Variants in STYX observed in about 807,000 individuals in gnomAD.
STYX encodes serine/threonine/tyrosine-interacting protein.
Under a neutral mutation model 42.7 loss-of-function variants are expected in STYX, and 20 were observed. The ratio of observed to expected loss-of-function variants is 0.47; its 90% CI spans 0.33 to 0.68. STYX has a LOEUF of 0.68. Among genes scored for constraint, STYX ranks in the 30% least tolerant of loss-of-function variants. The probability of loss-of-function intolerance (pLI) is 0.02; values close to 1 mark genes in which losing one functional copy is unlikely to be tolerated. For missense variants in STYX, 226 were observed against 268.5 expected, an observed-to-expected ratio of 0.84 and a Z score of 1.11; for synonymous variants, 78 against 81.9, an observed-to-expected ratio of 0.95 and a Z score of 0.26.
intron 3 of STYX, among the ~76,000 whole-genome samples, chr14:52,747,905 T>C (rs1411161640): frequency 2.0e-5 from 3 of 152,154 alleles, no homozygotes; most frequent in African/African-American, 4.8e-5. Flanking sequence ...GGCGCGAGAA[T>C]TGCTTGAATC....
At chr14:52,741,478 C>T (rs904071673) in intron 1 of STYX, among the ~76,000 whole-genome samples, 4 of 152,022 alleles carry the variant, frequency 2.6e-5, no homozygotes, top group Non-Finnish European at 5.9e-5. Context: ...CACTCTGTCA[C>T]CCAGGCTGGA....
At chr14:52,753,594 T>C (rs1315773473) in intron 4 of STYX, among the ~76,000 whole-genome samples, 1 of 152,212 alleles carries the variant, frequency 6.6e-6, no homozygotes, top group Non-Finnish European at 1.5e-5. Flanking sequence ...TAAACTGGTG[T>C]AATATTTGCA....
At chr14:52,746,551 TA>T in intron 3 of STYX, 72 bp downstream of exon 3, 1 of 1,325,844 alleles carries the variant, frequency 7.5e-7, no homozygotes, top group Non-Finnish European at 1.0e-6. Flanking sequence ...TTTTTAGTAA[TA>T]AAGAGTTTTA....
chr14:52,761,771 G>A (rs1409676236), intron 9 of STYX, among the ~76,000 whole-genome samples: 1 of 151,508 alleles, frequency 6.6e-6, no homozygotes, highest in Non-Finnish European at 1.5e-5. Flanking sequence ...ATGGCCGGGT[G>A]TGGTGGCTCA....
intron 1 of STYX, among the ~76,000 whole-genome samples, chr14:52,736,431 A>G (rs2139879350): frequency 6.6e-6 from 1 of 152,362 alleles, no homozygotes; most frequent in South Asian, 2.1e-4. Flanking sequence ...GGAGTAGCTG[A>G]TAGTACCAAT....
chr14:52,742,410 G>A (rs1304994710), intron 1 of STYX, among the ~76,000 whole-genome samples: 1 of 152,132 alleles, frequency 6.6e-6, no homozygotes, highest in African/African-American at 2.4e-5. Flanking sequence ...TGAAGATGTA[G>A]AACAACTAGA....
chr14:52,730,595 C>G, intron 1 of STYX, 64 bp downstream of exon 1: 2 of 1,566,698 alleles, frequency 1.3e-6, no homozygotes, highest in South Asian at 1.2e-5. Flanking sequence ...AGGGGCGACC[C>G]CAGTCCCCAA....
rs565828286 is a variant in STYX at position 52,743,546 on chromosome 14, A to G, written c.58-1306A>G. 6.8e-4 allele frequency among the ~76,000 whole-genome samples: 104 copies of G among 152,252 alleles called. 1 individual carries two copies. The highest frequency in any genetic ancestry group is 2.2e-3 in the Admixed American group (34 of 15,284). On this transcript the variant is annotated intron_variant, in intron 1 of 10. Coordinates refer to ENST00000354586, the MANE Select transcript of STYX (RefSeq NM_145251.4). ...CATTGAGCCGAGATCGCGCCACTGC[A>G]CTCCAACCTGGATGACAGTGTAAGA...
chr14:52,769,094 A>G (rs368846399), intron 10 of STYX, among the ~76,000 whole-genome samples, 161 bp downstream of exon 10: 1 of 152,170 alleles, frequency 6.6e-6, no homozygotes, highest in Admixed American at 6.5e-5. Flanking sequence ...AATGTGTACT[A>G]TAATAAGCTT....
intron 4 of STYX, among the ~76,000 whole-genome samples, chr14:52,752,031 A>C (rs1310198135): frequency 6.6e-6 from 1 of 152,134 alleles, no homozygotes; most frequent in African/African-American, 2.4e-5. Context: ...GTGGTGGCAC[A>C]TGCCTGTAAT....
chr14:52,756,886 C>A (rs1881892580), intron 5 of STYX, among the ~76,000 whole-genome samples: 1 of 151,812 alleles, frequency 6.6e-6, no homozygotes, highest in Non-Finnish European at 1.5e-5. Context: ...GGGGTTTCTC[C>A]ATGTTGATCA....
chr14:52,762,748 A>C (rs1477928813), intron 9 of STYX, among the ~76,000 whole-genome samples: 1 of 152,042 alleles, frequency 6.6e-6, no homozygotes, highest in South Asian at 2.1e-4. Context: ...ATATCTGACC[A>C]TAATGTTTTA....
At chr14:52,750,144 A>T (rs575662377) in intron 3 of STYX, among the ~76,000 whole-genome samples, 3 of 152,228 alleles carry the variant, frequency 2.0e-5, no homozygotes, top group Non-Finnish European at 2.9e-5. Context: ...TTTTAACTTC[A>T]GGAAAATTTT....
intron 9 of STYX, among the ~76,000 whole-genome samples, chr14:52,767,666 G>A (rs1289860152): frequency 1.3e-5 from 2 of 152,058 alleles, no homozygotes; most frequent in East Asian, 3.9e-4. Flanking sequence ...ATTTTCCCAG[G>A]TTCCTTTGGT....
intron 3 of STYX, 98 bp from the exon 4 acceptor site, chr14:52,750,585 T>C: frequency 1.3e-6 from 1 of 780,728 alleles, no homozygotes. Flanking sequence ...ATGTGGGTTC[T>C]GTGTATTTTC....
intron 4 of STYX, among the ~76,000 whole-genome samples, chr14:52,753,047 ATTTTTTTTTTTT>A (rs959737468): frequency 1.0e-4 from 9 of 88,670 alleles, no homozygotes; most frequent in Non-Finnish European, 1.8e-4. Flanking sequence ...CACCCAGCTA[ATTTTTTTTTTTT>A]TTTTTTTTTT....
intron 1 of STYX, among the ~76,000 whole-genome samples, chr14:52,733,528 G>A (rs931030277): frequency 5.3e-5 from 8 of 152,200 alleles, no homozygotes; most frequent in African/African-American, 1.9e-4. Flanking sequence ...GTAGTAGGTT[G>A]TCACCTATAC....
chr14:52,732,821 C>T (rs1163339304), intron 1 of STYX, among the ~76,000 whole-genome samples: 2 of 151,822 alleles, frequency 1.3e-5, no homozygotes, highest in East Asian at 3.9e-4. Context: ...CAGGCGCCCG[C>T]CACCACTCCC....
At position 52,757,887 on chromosome 14, in the gene STYX, A is replaced by G. The variant is rs1279968914; in HGVS notation, c.394A>G (p.Ile132Val). Reference sequence around the variant, plus strand: ...TCCCCTCTTCAGTGCAGCCTTTGTTATTGCATACATTATGGAAACATTTGG... The same window carrying G: ...TCCCCTCTTCAGTGCAGCCTTTGTTGTTGCATACATTATGGAAACATTTGG... ...AGISRSAAFV[I>V]AYIMETFGMK... The change falls in exon 8 of 11, where the codon ATT becomes GTT. Residue 132 changes from isoleucine to valine, a missense_variant. Coordinates refer to ENST00000354586, the MANE Select transcript of STYX (RefSeq NM_145251.4). The G allele has an allele frequency of 3.1e-6, 5 of 1,612,486 alleles. No homozygotes were observed. In the Admixed American group the frequency reaches 6.7e-5, roughly 21 times the overall value.
Sources: gnomAD v4.1 joint callset for allele counts (sites outside exome capture counted in the v4.1 genomes callset) on GRCh38, gnomAD v4.1.1 for gene constraint, MANE v1.5 for transcripts, NCBI Gene and HGNC (gene_info 2026-07-23, HGNC 2026-07-21) for gene names.